MSI2: variants seen among roughly 807,000 people sequenced by gnomAD.
MSI2 encodes musashi RNA binding protein 2.
Under a neutral mutation model 45.6 loss-of-function variants are expected in MSI2, and 17 were observed. That is an observed-to-expected ratio of 0.37 (90% CI 0.26 to 0.56). The LOEUF (loss-of-function observed/expected upper bound fraction) is 0.56. Among genes scored for constraint, MSI2 ranks in the 20% least tolerant of loss-of-function variants. The pLI, the probability that MSI2 is intolerant of heterozygous loss-of-function variation, is 0.77. For synonymous variants in MSI2, 156 were observed against 158.2 expected, an observed-to-expected ratio of 0.99 and a Z score of 0.11; for missense variants, 293 against 444.2, an observed-to-expected ratio of 0.66 and a Z score of 3.06.
At chr17:57,372,326 T>C (rs993624202) in intron 5 of MSI2, among the ~76,000 whole-genome samples, 2 of 152,208 alleles carry the variant, frequency 1.3e-5, no homozygotes, top group African/African-American at 2.4e-5. Flanking sequence ...AAGATGGAAA[T>C]AGTTTTCCTC....
At chr17:57,463,683 A>G (rs1358368026) in intron 6 of MSI2, among the ~76,000 whole-genome samples, 2 of 152,080 alleles carry the variant, frequency 1.3e-5, no homozygotes, top group Admixed American at 6.5e-5. Context: ...AGCTTCATCC[A>G]TTCAGCAGTG....
At chr17:57,526,303 G>A (rs1167152824) in intron 6 of MSI2, among the ~76,000 whole-genome samples, 1 of 151,104 alleles carries the variant, frequency 6.6e-6, no homozygotes, top group East Asian at 1.9e-4. Context: ...CTTGAATGAG[G>A]CCTGGCCTGT....
rs2084112795 is a variant in MSI2, at chr17:57,407,819, G to A, written c.405+6348G>A. On this transcript the variant is annotated intron_variant, in intron 6 of 13. Transcript: ENST00000284073. This position sits in a 1 kb window ranked among gnomAD's most constrained non-coding sequence, Gnocchi z 4.1. ...AATAGCCCAGAACAAAGCCAACACT[G>A]TCCCCATGTTTTATTAATCTTCTGC... Among the ~76,000 whole-genome samples, 1 of 152,160 alleles carries A rather than the reference G, an allele frequency of 6.6e-6. No homozygotes were observed. The highest frequency in any genetic ancestry group is 2.4e-5 in the African/African-American group (1 of 41,426).
At chr17:57,341,449 G>A (rs1915150057) in intron 5 of MSI2, among the ~76,000 whole-genome samples, 1 of 152,192 alleles carries the variant, frequency 6.6e-6, no homozygotes, top group South Asian at 2.1e-4. Context: ...GTACATCCTG[G>A]GTTGGTCCTC....
intron 5 of MSI2, among the ~76,000 whole-genome samples, chr17:57,389,425 T>TG (rs2083746625): frequency 6.6e-6 from 1 of 152,190 alleles, no homozygotes; most frequent in African/African-American, 2.4e-5. Context: ...TAACAGTCCT[T>TG]CTGCCAGACA....
chr17:57,502,865 A>C (rs544208288), intron 6 of MSI2, among the ~76,000 whole-genome samples: 9 of 151,878 alleles, frequency 5.9e-5, no homozygotes, highest in African/African-American at 2.2e-4. Flanking sequence ...TGGTCTTGGG[A>C]GCAGATGCAC....
chr17:57,386,158 G>A lies in MSI2; in HGVS notation c.313-15221G>A, dbSNP rs112326745. Among the ~76,000 whole-genome samples the A allele has an allele frequency of 9.9e-5, 15 of 152,250 alleles. 1 individual carries two copies. The highest frequency in any genetic ancestry group is 2.2e-4 in the African/African-American group (9 of 41,522). ...ACCCCTATCGAATCACCAGCTGTGC[G>A]TGTCCAAGTAGCCTGGAAGGGTTTG... On this transcript the variant is annotated intron_variant, in intron 5 of 13. Coordinates refer to ENST00000284073, the MANE Select transcript of MSI2 (RefSeq NM_138962.4).
intron 7 of MSI2, among the ~76,000 whole-genome samples, chr17:57,574,944 C>T (rs1322732527): frequency 6.6e-6 from 1 of 151,536 alleles, no homozygotes; most frequent in East Asian, 2.0e-4. Context: ...CATTCTGCTG[C>T]CTCAGCCTCC....
intron 7 of MSI2, among the ~76,000 whole-genome samples, chr17:57,563,145 A>C (rs2087628282): frequency 6.7e-6 from 1 of 148,718 alleles, no homozygotes; most frequent in Non-Finnish European, 1.5e-5. Context: ...TGTGGGGTCC[A>C]TGTGCAGTTT....
intron 6 of MSI2, among the ~76,000 whole-genome samples, chr17:57,452,116 A>G (rs1350801930): frequency 1.3e-5 from 2 of 152,198 alleles, no homozygotes; most frequent in African/African-American, 2.4e-5. Context: ...CTCATCCCTC[A>G]GGCTCCAGTG....
intron 6 of MSI2, among the ~76,000 whole-genome samples, chr17:57,510,479 G>A (rs1364083102): frequency 6.6e-6 from 1 of 151,838 alleles, no homozygotes; most frequent in African/African-American, 2.4e-5. Flanking sequence ...CCAAGCTGGA[G>A]TGCAATGGCA....
rs747461821 is a variant in MSI2, at chr17:57,683,752, G to A, written c.*4235G>A. On this transcript the variant is annotated 3_prime_UTR_variant, in exon 14 of 14. Coordinates refer to ENST00000284073, the MANE Select transcript of MSI2 (RefSeq NM_138962.4). The surrounding 1 kb of genome is among the most constrained non-coding windows in gnomAD (Gnocchi z 5.2). Reference sequence around the variant, plus strand: ...GAAGGCAGACAGTGGGAGAGCAGAGGGACTGACTGCAGGCAAGCACATTGA... The same window carrying A: ...GAAGGCAGACAGTGGGAGAGCAGAGAGACTGACTGCAGGCAAGCACATTGA... 8 of 231,386 alleles carry A rather than the reference G, an allele frequency of 3.5e-5. No individual in the cohort carries two copies. Among genetic ancestry groups the A allele is most frequent in the Non-Finnish European group, 6.0e-5 (7 of 117,164 alleles). 14.3% of individuals were successfully genotyped at this position (231,386 alleles called of 1,614,324 possible).
chr17:57,699,237 T>C, the MSI2 span, among the ~76,000 whole-genome samples: 2 of 130,574 alleles, frequency 1.5e-5, no homozygotes. Flanking sequence ...GCACTTCTGA[T>C]TGGGCCACTC....
chr17:57,302,498 A>T (rs1018316126), intron 5 of MSI2, among the ~76,000 whole-genome samples: 1 of 152,192 alleles, frequency 6.6e-6, no homozygotes, highest in African/African-American at 2.4e-5. Flanking sequence ...CCTTCTTCCC[A>T]AGTGTATTTT....
chr17:57,261,740 T>TA (rs1372150195), intron 4 of MSI2, among the ~76,000 whole-genome samples: 1 of 152,200 alleles, frequency 6.6e-6, no homozygotes, highest in African/African-American at 2.4e-5. Flanking sequence ...AGAGAATACT[T>TA]ACATTTAATT....
rs573819570 is a variant in MSI2 at position 57,462,189 on chromosome 17, G to C, written c.405+60718G>C. On this transcript the variant is annotated intron_variant, in intron 6 of 13. Coordinates refer to ENST00000284073, the MANE Select transcript of MSI2 (RefSeq NM_138962.4). ...TTCATCTTTATGTAACCCTCTCCCT[G>C]TGCTCATGCCTGGGCCTAAATGTCC... Among the ~76,000 whole-genome samples the C allele has an allele frequency of 6.7e-4, 102 of 152,292 alleles. 1 individual carries two copies. The highest frequency in any genetic ancestry group is 2.4e-3 in the African/African-American group (101 of 41,544).
intron 6 of MSI2, among the ~76,000 whole-genome samples, chr17:57,500,542 T>C (rs771649795): frequency 1.3e-5 from 2 of 151,848 alleles, no homozygotes; most frequent in East Asian, 3.9e-4. Flanking sequence ...GCTAGTTTTT[T>C]ACAACCACTG....
chr17:57,687,311 GA>G (rs561791586), downstream of MSI2, among the ~76,000 whole-genome samples: 35 of 151,684 alleles, frequency 2.3e-4, no homozygotes, highest in Admixed American at 7.9e-4. Flanking sequence ...TAGAAAAAAA[GA>G]AATTGATAAA....
At chr17:57,575,797 T>C (rs1242493006) in intron 7 of MSI2, among the ~76,000 whole-genome samples, 2 of 151,264 alleles carry the variant, frequency 1.3e-5, no homozygotes, top group African/African-American at 4.9e-5. Flanking sequence ...TACAAAAAAT[T>C]AGCCGGGCCT....
Sources: allele counts gnomAD v4.1 joint callset (sites outside exome capture counted in the v4.1 genomes callset), GRCh38; gene constraint gnomAD v4.1.1; non-coding constraint Gnocchi (gnomAD v3.1); transcripts MANE v1.5; gene names NCBI Gene and HGNC (gene_info 2026-07-23, HGNC 2026-07-21).